Variants in PDE4B observed in about 807,000 individuals in gnomAD.
The protein encoded by PDE4B is phosphodiesterase 4B.
Under a neutral mutation model 82.2 loss-of-function variants are expected in PDE4B, and 20 were observed. The ratio of observed to expected loss-of-function variants is 0.24; its 90% CI spans 0.17 to 0.35. The LOEUF is 0.35. PDE4B is among the 10% of genes least tolerant of loss of function. The pLI is 1.00. For synonymous variants in PDE4B, 320 were observed against 318.9 expected (o/e 1.00, Z -0.04); for missense variants, 655 against 907.2 (o/e 0.72, Z 3.57).
At position 66,372,310 on chromosome 1, in the gene PDE4B, C is replaced by T; in HGVS notation, c.1846-3C>T. 6.3e-7 allele frequency: 1 copy of T among 1,592,634 alleles called. No individual in the cohort carries two copies. The highest frequency in any genetic ancestry group is 8.6e-7 in the Non-Finnish European group (1 of 1,166,660). On this transcript the variant is annotated splice_polypyrimidine_tract_variant and splice_region_variant and intron_variant, in intron 16 of 16. Transcript: ENST00000341517. ...ACAGATGTGTCATCTTATTTTTCTC[C>T]AGGTTGGTTTCATCGACTACATTGT...
chr1:65,821,818 T>G (rs1332130993), intron 1 of PDE4B, among the ~76,000 whole-genome samples: 4 of 152,188 alleles, frequency 2.6e-5, no homozygotes, highest in African/African-American at 7.2e-5. Context: ...TTAAAACTTA[T>G]CCCTGGATAT....
chr1:66,171,278 C>T (rs184738080), intron 3 of PDE4B, among the ~76,000 whole-genome samples: 5 of 151,916 alleles, frequency 3.3e-5, no homozygotes, highest in East Asian at 1.9e-4. Flanking sequence ...GTAATTGGGT[C>T]GAAAATGAAA....
intron 3 of PDE4B, among the ~76,000 whole-genome samples, chr1:66,000,833 C>T (rs989278466): frequency 6.6e-6 from 1 of 152,146 alleles, no homozygotes; most frequent in Non-Finnish European, 1.5e-5. Flanking sequence ...AGTGTAGCTT[C>T]AAAGAGTGCT....
chr1:66,061,910 A>G (rs1179424877), intron 3 of PDE4B, among the ~76,000 whole-genome samples: 1 of 152,102 alleles, frequency 6.6e-6, no homozygotes, highest in East Asian at 1.9e-4. Context: ...GTATCCTAGA[A>G]CTTAAAGTAA....
intron 3 of PDE4B, among the ~76,000 whole-genome samples, chr1:66,119,224 C>T (rs534620592): frequency 6.6e-6 from 1 of 152,264 alleles, no homozygotes; most frequent in South Asian, 2.1e-4. Flanking sequence ...GTCAGAAGTT[C>T]ATTTTGAGAG....
chr1:65,888,344 T>A (rs935179958), intron 1 of PDE4B, among the ~76,000 whole-genome samples: 1 of 152,294 alleles, frequency 6.6e-6, no homozygotes, highest in South Asian at 2.1e-4. Context: ...GTTTTAGTTA[T>A]GACAGTCTTG....
intron 3 of PDE4B, among the ~76,000 whole-genome samples, chr1:66,165,441 C>T (rs1026374624): frequency 3.3e-5 from 5 of 151,638 alleles, no homozygotes; most frequent in African/African-American, 4.8e-5. Flanking sequence ...TAAAATTCAT[C>T]GTAAAAGAAC....
intron 3 of PDE4B, among the ~76,000 whole-genome samples, chr1:66,213,381 C>T (rs779717655): frequency 5.1e-4 from 78 of 152,094 alleles, no homozygotes; most frequent in Non-Finnish European, 1.0e-3. Flanking sequence ...CTATTAAGTA[C>T]AAAGAATATC....
At chr1:66,320,594 G>A (rs1009444479) in intron 7 of PDE4B, among the ~76,000 whole-genome samples, 1 of 152,118 alleles carries the variant, frequency 6.6e-6, no homozygotes, top group African/African-American at 2.4e-5. Flanking sequence ...TTTTGGTAAT[G>A]CATAGCCCAT....
chr1:66,029,931 A>G (rs1345638411), intron 3 of PDE4B, among the ~76,000 whole-genome samples: 2 of 152,158 alleles, frequency 1.3e-5, no homozygotes, highest in African/African-American at 4.8e-5. Flanking sequence ...TGCTTACCAC[A>G]ATTATGAAGT....
intron 3 of PDE4B, among the ~76,000 whole-genome samples, chr1:66,023,743 C>A (rs1157788654): frequency 6.6e-6 from 1 of 152,036 alleles, no homozygotes; most frequent in East Asian, 1.9e-4. Context: ...GATCAACTAC[C>A]ATTTATGTAG....
intron 8 of PDE4B, among the ~76,000 whole-genome samples, chr1:66,346,538 A>G (rs1447804714): frequency 6.6e-6 from 1 of 152,184 alleles, no homozygotes; most frequent in Non-Finnish European, 1.5e-5. Flanking sequence ...ATTCTTGTTT[A>G]CGCTCCTTAG....
intron 3 of PDE4B, among the ~76,000 whole-genome samples, chr1:66,113,313 A>G (rs1645526480): frequency 6.6e-6 from 1 of 152,240 alleles, no homozygotes; most frequent in Admixed American, 6.5e-5. Flanking sequence ...TTTGGGAAGG[A>G]AAACATCAAT....
At chr1:66,053,652 A>G (rs1421814982) in intron 3 of PDE4B, among the ~76,000 whole-genome samples, 1 of 151,994 alleles carries the variant, frequency 6.6e-6, no homozygotes, top group African/African-American at 2.4e-5. Context: ...TGAGGTTAGG[A>G]GTTTGAGATC....
chr1:66,208,980 A>C (rs486438), intron 3 of PDE4B, among the ~76,000 whole-genome samples: 146,780 of 152,266 alleles, frequency 0.96, 70,980 homozygotes, highest in East Asian at 1. Flanking sequence ...TGTCTTGACT[A>C]CAAAGAACAT....
chr1:66,209,361 A>G (rs1230718610), intron 3 of PDE4B, among the ~76,000 whole-genome samples: 2 of 152,118 alleles, frequency 1.3e-5, no homozygotes, highest in African/African-American at 4.8e-5. Context: ...AATTTTCTAT[A>G]TCTGCAGTAA....
intron 3 of PDE4B, among the ~76,000 whole-genome samples, chr1:66,121,023 T>C (rs1171630446): frequency 1.3e-5 from 2 of 152,176 alleles, no homozygotes; most frequent in African/African-American, 4.8e-5. Flanking sequence ...TAAACAGGTA[T>C]GTATTTTAAA....
At chr1:65,966,161 G>A (rs1040741238) in intron 3 of PDE4B, among the ~76,000 whole-genome samples, 2 of 151,936 alleles carry the variant, frequency 1.3e-5, no homozygotes, top group Admixed American at 1.3e-4. Context: ...ATCATCTCAG[G>A]CCAAAATCTC....
chr1:66,128,305 CT>C, intron 3 of PDE4B, among the ~76,000 whole-genome samples: 1 of 152,246 alleles, frequency 6.6e-6, no homozygotes, highest in Admixed American at 6.5e-5. Context: ...CAAAGGAACA[CT>C]TTATTTTATT....
Sources: gnomAD v4.1 joint callset for allele counts (sites outside exome capture counted in the v4.1 genomes callset) on GRCh38, gnomAD v4.1.1 for gene constraint, MANE v1.5 for transcripts, NCBI Gene and HGNC (gene_info 2026-07-23, HGNC 2026-07-21) for gene names.